Variants in FGF3 observed in about 807,000 individuals in gnomAD.
The protein encoded by FGF3 is fibroblast growth factor 3.
Under a neutral mutation model 9.8 loss-of-function variants are expected in FGF3, and 7 were observed. The observed-to-expected ratio is 0.72, with a 90% CI of 0.41 to 1.35. The LOEUF is 1.35. FGF3 is among the 40% of genes most tolerant of loss of function. The probability of loss-of-function intolerance (pLI) is 0.01; values close to 1 mark genes in which losing one functional copy is unlikely to be tolerated. For missense variants in FGF3, 390 were observed against 345.6 expected (o/e 1.13, Z -1.02); for synonymous variants, 173 against 157.2 (o/e 1.10, Z -0.75).
chr11:69,812,894 A>G (rs11263587), intron 2 of FGF3, among the ~76,000 whole-genome samples: 75,090 of 151,976 alleles, frequency 0.49, 18,822 homozygotes, highest in East Asian at 0.62. Context: ...AGGCTCTCCC[A>G]AGGTGGGAGA....
chr11:69,816,510 C>T (rs541541062), intron 1 of FGF3, 87 bp from the exon 2 acceptor site: 12 of 1,004,664 alleles, frequency 1.2e-5, no homozygotes, highest in Non-Finnish European at 1.6e-5. Flanking sequence ...AGCCACACCC[C>T]GGGCTCAGGG....
At chr11:69,816,484 A>G in intron 1 of FGF3, 61 bp from the exon 2 acceptor site, 16 of 1,350,882 alleles carry the variant, frequency 1.2e-5, no homozygotes, top group Non-Finnish European at 1.7e-5. Context: ...GCTGAGGCCC[A>G]GCTGGCCCTG....
At chr11:69,811,416 C>T (rs1379284801) in intron 2 of FGF3, among the ~76,000 whole-genome samples, 1 of 144,540 alleles carries the variant, frequency 6.9e-6, no homozygotes, top group Non-Finnish European at 1.5e-5. Flanking sequence ...TGCCACTGCA[C>T]TCCAGTCTGG....
chr11:69,816,780 T>A (rs1469560258), intron 1 of FGF3, among the ~76,000 whole-genome samples: 1 of 152,192 alleles, frequency 6.6e-6, no homozygotes, highest in East Asian at 1.9e-4. Flanking sequence ...GCTGGGTGAC[T>A]GTCAGGCCCC....
intron 1 of FGF3, 117 bp from the exon 2 acceptor site, chr11:69,816,540 C>A (rs1856137080): frequency 1.4e-6 from 1 of 739,162 alleles, no homozygotes. Context: ...GTAGCACACA[C>A]CCCACAGGTC....
intron 2 of FGF3, among the ~76,000 whole-genome samples, chr11:69,813,702 A>G (rs1337999539): frequency 0.038 from 1,196 of 31,494 alleles, 25 homozygotes; most frequent in Non-Finnish European, 0.041. Context: ...ATGGATGGAT[A>G]GGTGGATGGA....
rs368732520 is a variant in FGF3, at chr11:69,816,301, C to A, written c.324+19G>T. 1.9e-6 allele frequency: 3 copies of A among 1,591,550 alleles called. No individual in the cohort carries two copies. The East Asian group carries it at 6.7e-5, about 36-fold the overall frequency. On this transcript the variant is annotated intron_variant, in intron 2 of 2. Coordinates refer to ENST00000334134, the MANE Select transcript of FGF3 (RefSeq NM_005247.4). Reference sequence around the variant, plus strand: ...CCGCTACTCCGTCAGCGCCCACCCACGTGACAGCCTGGACTCACCGAAGCA... The same window carrying A: ...CCGCTACTCCGTCAGCGCCCACCCAAGTGACAGCCTGGACTCACCGAAGCA...
In FGF3 at chr11:69,810,644, A is replaced by G. The variant is rs1856013778; in HGVS notation, c.381T>C (p.Asn127=). ...TCCGGTACAGCCGGGAGGCATACGT[A>G]TTATAGCCCAGCTCGTGGATCCGCT... ...FVERIHELGY[N]TYASRLYRTV... The change falls in exon 3 of 3, where the codon AAT becomes AAC. Residue 127 remains asparagine (N), a synonymous_variant. Coordinates refer to ENST00000334134, the MANE Select transcript of FGF3 (RefSeq NM_005247.4). 6.3e-7 allele frequency: 1 copy of G among 1,596,270 alleles called. No homozygotes were observed. The highest frequency in any genetic ancestry group is 1.3e-5 in the African/African-American group (1 of 74,530).
In FGF3 at chr11:69,810,417, C is replaced by T; in HGVS notation, c.608G>A (p.Gly203Asp). ...CCGCCGTCGGGGCTGGACCCCCTTA[C>T]CAGGGGGTCTGGGCAGCCCACTCTG... Reference protein sequence around the residue: ...QLQSGLPRPPGKGVQPRRRRQ... With the variant: ...QLQSGLPRPPDKGVQPRRRRQ... Residue 203 changes from glycine to aspartate, a missense_variant, in exon 3 of 3, where the codon GGT becomes GAT. By Grantham distance (94) the Gly-to-Asp change is moderately conservative (BLOSUM62 -1). Coordinates refer to ENST00000334134, the MANE Select transcript of FGF3 (RefSeq NM_005247.4). 1 of 1,574,892 alleles carries T rather than the reference C, an allele frequency of 6.3e-7. No individual in the cohort carries two copies. Among genetic ancestry groups the T allele is most frequent in the Admixed American group, 1.8e-5 (1 of 55,202 alleles).
chr11:69,814,505 G>A (rs1856096430), intron 2 of FGF3, among the ~76,000 whole-genome samples: 1 of 152,040 alleles, frequency 6.6e-6, no homozygotes, highest in African/African-American at 2.4e-5. Flanking sequence ...CAGACCAGGA[G>A]TGTCAGGGTG....
intron 1 of FGF3, chr11:69,817,412 C>A (rs1229764825): frequency 2.6e-5 from 4 of 152,302 alleles, no homozygotes; most frequent in Non-Finnish European, 5.9e-5. Flanking sequence ...CGGGGACCAG[C>A]GAAGCACGAG....
Position 69,814,996 on chromosome 11 carries a change from A to C in FGF3, c.324+1324T>G, listed in dbSNP as rs541984729. ...GGACACTGACTGATGAATGGACTGA[A>C]TGTCAGATGGATAGGTGTATGGATG... On this transcript the variant is annotated intron_variant, in intron 2 of 2. Coordinates refer to ENST00000334134, the MANE Select transcript of FGF3 (RefSeq NM_005247.4). 4.6e-5 allele frequency among the ~76,000 whole-genome samples: 7 copies of C among 152,216 alleles called. No homozygotes were observed. The South Asian group carries it at 1.5e-3, about 32-fold the overall frequency.
chr11:69,817,409 C>G (rs549739166), intron 1 of FGF3: 1 of 152,310 alleles, frequency 6.6e-6, no homozygotes, highest in Non-Finnish European at 1.5e-5. Flanking sequence ...GACCGGGGAC[C>G]AGCGAAGCAC....
chr11:69,814,625 C>T (rs552300573), intron 2 of FGF3, among the ~76,000 whole-genome samples: 41 of 152,192 alleles, frequency 2.7e-4, no homozygotes, highest in East Asian at 1.2e-3. Context: ...GCTGGCCGCA[C>T]GCAGGACTGT....
In FGF3 at chr11:69,815,950, G is replaced by A. The variant is rs576279259; in HGVS notation, c.324+370C>T. ...CCCAGGAGAGCTCTGGCTGCCCCAA[G>A]GAACACTCCCAGGTTGTCTTGGGTC... is the stretch of plus-strand genomic sequence containing the variant. On this transcript the variant is annotated intron_variant, in intron 2 of 2. Coordinates refer to ENST00000334134, the MANE Select transcript of FGF3 (RefSeq NM_005247.4). Among the ~76,000 whole-genome samples the A allele has an allele frequency of 1.1e-4, 16 of 152,290 alleles. No homozygotes were observed. The South Asian group carries it at 3.3e-3, about 32-fold the overall frequency.
At chr11:69,818,617 C>G in intron 1 of FGF3, 97 bp downstream of exon 1, 1 of 897,162 alleles carries the variant, frequency 1.1e-6, no homozygotes, top group Non-Finnish European at 1.5e-6. Flanking sequence ...CCCTCCCCGG[C>G]GCCGCCTCCC....
At chr11:69,811,930 C>T (rs1378722811) in intron 2 of FGF3, among the ~76,000 whole-genome samples, 4 of 152,202 alleles carry the variant, frequency 2.6e-5, no homozygotes, top group East Asian at 1.9e-4. Flanking sequence ...AAGACTTGGC[C>T]GTGGGAGTTT....
chr11:69,812,836 G>T (rs1856050715), intron 2 of FGF3, among the ~76,000 whole-genome samples: 1 of 152,146 alleles, frequency 6.6e-6, no homozygotes, highest in Non-Finnish European at 1.5e-5. Flanking sequence ...CTTGAGGGGT[G>T]GGTCACTGAA....
Position 69,818,994 on chromosome 11 carries a change from G to T in FGF3, c.-61C>A. On this transcript the variant is annotated 5_prime_UTR_variant, in exon 1 of 3. Transcript: ENST00000334134. ...GCAGGCGAGCGCGGCGCCCATGGAA[G>T]GGGCGGCAGCCGGACAGCTGCGAGG... 1 of 1,183,652 alleles carries T rather than the reference G, an allele frequency of 8.4e-7. No individual in the cohort carries two copies. The highest frequency in any genetic ancestry group is 1.6e-5 in the South Asian group (1 of 62,492). The allele number at this position is 1,183,652 out of a possible 1,614,324, so 73.3% of individuals were successfully genotyped here. A position where few individuals can be genotyped will look rare whatever the true frequency, so the allele number is the denominator to read the frequency against.
Sources: allele counts gnomAD v4.1 joint callset (sites outside exome capture counted in the v4.1 genomes callset), GRCh38; gene constraint gnomAD v4.1.1; transcripts MANE v1.5; gene names NCBI Gene and HGNC (gene_info 2026-07-23, HGNC 2026-07-21).